The following PLPPR4 variants were observed in gnomAD, a reference collection of about 807,000 sequenced individuals.
PLPPR4 encodes the protein phospholipid phosphatase related 4, also known as phospholipid phosphatase-related protein type 4.
Under a neutral mutation model 56.6 loss-of-function variants are expected in PLPPR4, and 24 were observed. The observed-to-expected ratio is 0.42, with a 90% confidence interval of 0.31 to 0.60. The LOEUF (loss-of-function observed/expected upper bound fraction) is 0.60. PLPPR4 is among the 20% of genes least tolerant of loss of function. PLPPR4 has a pLI of 0.13. For missense variants in PLPPR4, 654 were observed against 885.8 expected (o/e 0.74, Z 3.32); for synonymous variants, 326 against 328.1 (o/e 0.99, Z 0.07).
At chr1:99,278,981 T>G (rs775923192) in intron 1 of PLPPR4, among the ~76,000 whole-genome samples, 1 of 152,200 alleles carries the variant, frequency 6.6e-6, no homozygotes, top group Non-Finnish European at 1.5e-5. Context: ...AAATTCAAAA[T>G]AGAAAGCATT....
chr1:99,265,153 C>A (rs887947291), intron 1 of PLPPR4, among the ~76,000 whole-genome samples: 6 of 148,280 alleles, frequency 4.0e-5, no homozygotes, highest in Non-Finnish European at 7.5e-5. Flanking sequence ...TGCCCCCCCC[C>A]CCCAAATCCT....
At chr1:99,275,405 G>A (rs571983607) in intron 1 of PLPPR4, among the ~76,000 whole-genome samples, 86 of 152,150 alleles carry the variant, frequency 5.7e-4, no homozygotes, top group African/African-American at 1.7e-3. Context: ...ATTTTTAGAC[G>A]GTTGGCCCAG....
At chr1:99,285,665 A>G (rs1042284572) in intron 1 of PLPPR4, among the ~76,000 whole-genome samples, 2 of 152,150 alleles carry the variant, frequency 1.3e-5, no homozygotes, top group African/African-American at 2.4e-5. Flanking sequence ...AAAAAAAAAG[A>G]CCTCTTGGGA....
chr1:99,268,640 T>G (rs1658970962), intron 1 of PLPPR4, among the ~76,000 whole-genome samples: 1 of 152,184 alleles, frequency 6.6e-6, no homozygotes, highest in African/African-American at 2.4e-5. Context: ...ACTTGAAAAA[T>G]ACGATGATTT....
chr1:99,300,158 T>A (rs1317766680), intron 4 of PLPPR4, among the ~76,000 whole-genome samples: 1 of 152,032 alleles, frequency 6.6e-6, no homozygotes, highest in Non-Finnish European at 1.5e-5. Flanking sequence ...CTCTGTTGAA[T>A]GGGGATCTTG....
intron 1 of PLPPR4, among the ~76,000 whole-genome samples, chr1:99,268,249 G>A (rs917493983): frequency 1.3e-5 from 2 of 152,242 alleles, no homozygotes; most frequent in Non-Finnish European, 2.9e-5. Flanking sequence ...CCTCAGCTCA[G>A]TTCCTCCTCC....
intron 2 of PLPPR4, among the ~76,000 whole-genome samples, chr1:99,291,491 C>T (rs1659619544): frequency 6.6e-6 from 1 of 152,144 alleles, no homozygotes; most frequent in Admixed American, 6.6e-5. Context: ...TTCATTGCAG[C>T]ACTATTCACA....
intron 6 of PLPPR4, among the ~76,000 whole-genome samples, chr1:99,305,093 A>G (rs903247837): frequency 6.6e-6 from 1 of 152,190 alleles, no homozygotes; most frequent in African/African-American, 2.4e-5. Flanking sequence ...TAGGTGCCCC[A>G]ATCTGGCGAT....
At chr1:99,302,922 C>T (rs1211190375) in intron 6 of PLPPR4, among the ~76,000 whole-genome samples, 1 of 151,590 alleles carries the variant, frequency 6.6e-6, no homozygotes, top group Non-Finnish European at 1.5e-5. Flanking sequence ...CATTGTTGGA[C>T]ATTTGGGTTG....
At chr1:99,285,501 A>C (rs1659441588) in intron 1 of PLPPR4, among the ~76,000 whole-genome samples, 3 of 152,184 alleles carry the variant, frequency 2.0e-5, no homozygotes, top group Non-Finnish European at 2.9e-5. Flanking sequence ...CAGATATTTG[A>C]AGTGATCGAA....
At chr1:99,300,535 T>C (rs1659859684) in intron 4 of PLPPR4, among the ~76,000 whole-genome samples, 1 of 152,084 alleles carries the variant, frequency 6.6e-6, no homozygotes, top group Non-Finnish European at 1.5e-5. Context: ...AGAAAAAGTT[T>C]AAAGCTTTAA....
chr1:99,282,865 A>C (rs925974814), intron 1 of PLPPR4, among the ~76,000 whole-genome samples: 15 of 151,138 alleles, frequency 9.9e-5, no homozygotes, highest in African/African-American at 3.4e-4. Context: ...CTAAAATGGG[A>C]ATTCAGGCAC....
At chr1:99,269,843 C>T (rs774774067) in intron 1 of PLPPR4, among the ~76,000 whole-genome samples, 1 of 152,160 alleles carries the variant, frequency 6.6e-6, no homozygotes. Flanking sequence ...CATATGTATG[C>T]ACACACTTCT....
chr1:99,272,403 T>A (rs1659082158), intron 1 of PLPPR4, among the ~76,000 whole-genome samples: 2 of 152,150 alleles, frequency 1.3e-5, no homozygotes, highest in South Asian at 4.1e-4. Context: ...TTCCTAATTA[T>A]TACTATTTCT....
intron 1 of PLPPR4, among the ~76,000 whole-genome samples, chr1:99,285,452 C>T (rs568351256): frequency 4.5e-4 from 68 of 152,136 alleles, no homozygotes; most frequent in African/African-American, 1.6e-3. Flanking sequence ...AGCTACTATT[C>T]GTGCACTATA....
intron 1 of PLPPR4, among the ~76,000 whole-genome samples, chr1:99,283,673 G>A (rs569826140): frequency 6.6e-6 from 1 of 152,312 alleles, no homozygotes; most frequent in East Asian, 1.9e-4. Flanking sequence ...CGGTTTGGCT[G>A]GGCGCGGTGG....
intron 1 of PLPPR4, among the ~76,000 whole-genome samples, chr1:99,275,860 T>C (rs574386528): frequency 3.2e-4 from 48 of 152,150 alleles, no homozygotes; most frequent in African/African-American, 1.2e-3. Context: ...ACCACTACCC[T>C]TCACCTTCCT....
intron 1 of PLPPR4, among the ~76,000 whole-genome samples, chr1:99,269,183 T>G (rs1658988626): frequency 6.6e-6 from 1 of 152,224 alleles, no homozygotes; most frequent in South Asian, 2.1e-4. Flanking sequence ...GTGTTTGGTT[T>G]TCTGTTCTTG....
chr1:99,303,601 C>T (rs1438857450), intron 6 of PLPPR4, among the ~76,000 whole-genome samples: 1 of 152,176 alleles, frequency 6.6e-6, no homozygotes, highest in East Asian at 1.9e-4. Flanking sequence ...AATAAATTAT[C>T]TGTAGCTACA....
Sources: allele counts gnomAD v4.1 joint callset (sites outside exome capture counted in the v4.1 genomes callset), GRCh38; gene constraint gnomAD v4.1.1; transcripts MANE v1.5; gene names NCBI Gene and HGNC (gene_info 2026-07-23, HGNC 2026-07-21).